The following BANF2 variants were observed in gnomAD, a reference collection of about 807,000 sequenced individuals.
The protein encoded by BANF2 is barrier-to-autointegration factor-like protein.
In BANF2, 4 loss-of-function variants were observed where a neutral mutation model predicts 8.0. The ratio of observed to expected loss-of-function variants is 0.50; its 90% CI spans 0.25 to 1.14. BANF2 has a LOEUF of 1.14. Among genes scored for constraint, BANF2 ranks in the 50% most tolerant of loss-of-function variants. The pLI is 0.16. For missense variants in BANF2, 96 were observed against 107.5 expected (o/e 0.89, Z 0.47); for synonymous variants, 50 against 40.6 (o/e 1.23, Z -0.88).
At chr20:17,707,042 T>C (rs2037490921) in intron 1 of BANF2, among the ~76,000 whole-genome samples, 1 of 151,976 alleles carries the variant, frequency 6.6e-6, no homozygotes, top group Admixed American at 6.6e-5. Flanking sequence ...CACTTTCAGA[T>C]GGGTTTGCAA....
At chr20:17,728,180 C>G (rs886196816) in intron 3 of BANF2, among the ~76,000 whole-genome samples, 8 of 152,224 alleles carry the variant, frequency 5.3e-5, no homozygotes, top group African/African-American at 1.4e-4. Flanking sequence ...GGCTGGGGCT[C>G]AGCCTCAGTT....
Position 17,705,155 on chromosome 20 carries a change from G to A in BANF2, c.-167+5100G>A, listed in dbSNP as rs115580947. On this transcript the variant is annotated intron_variant, in intron 1 of 3. Transcript: ENST00000246090. The stretch of plus-strand genomic sequence containing the variant: ...TCATGTGTGTTGTTACCTCATTGGC[G>A]AGGCCTGGTCATGTGTGTCCCTGGA... Among the ~76,000 whole-genome samples, 1,204 of 148,130 alleles carry A rather than the reference G, an allele frequency of 8.1e-3. 15 individuals carry two copies. Among genetic ancestry groups the A allele is most frequent in the African/African-American group, 0.029 (1,117 of 38,442 alleles).
chr20:17,728,741 A>T (rs1165985817), intron 3 of BANF2, among the ~76,000 whole-genome samples: 5 of 152,180 alleles, frequency 3.3e-5, no homozygotes, highest in Admixed American at 3.3e-4. Context: ...CATATGTGAT[A>T]GCCTTCTTCT....
chr20:17,733,714 T>C (rs2037935716), intron 3 of BANF2, among the ~76,000 whole-genome samples: 1 of 152,220 alleles, frequency 6.6e-6, no homozygotes, highest in African/African-American at 2.4e-5. Flanking sequence ...ATATTGCTTT[T>C]TTTAAAAAAG....
chr20:17,699,042 A>G (rs2037375800), upstream of BANF2, among the ~76,000 whole-genome samples: 2 of 152,248 alleles, frequency 1.3e-5, no homozygotes, highest in African/African-American at 4.8e-5. Context: ...GTTCTCCCCC[A>G]GACCTAATGA....
At chr20:17,732,285 C>T (rs1238959723) in intron 3 of BANF2, among the ~76,000 whole-genome samples, 1 of 152,200 alleles carries the variant, frequency 6.6e-6, no homozygotes, top group Non-Finnish European at 1.5e-5. Context: ...GGTGATTCCT[C>T]CCCTGCTTGG....
chr20:17,698,898 C>T (rs569783414), upstream of BANF2, among the ~76,000 whole-genome samples: 6 of 152,350 alleles, frequency 3.9e-5, no homozygotes, highest in African/African-American at 1.2e-4. Context: ...CCCCTGAATA[C>T]TGCCATCAGC....
rs998208360 is a variant in BANF2, at chr20:17,693,823, C to A, written c.18+117C>A. 5.7e-6 allele frequency: 7 copies of A among 1,225,314 alleles called. No individual in the cohort carries two copies. In the East Asian group the frequency reaches 7.7e-5, roughly 13 times the overall value. The allele number at this position is 1,225,314 out of a possible 1,614,324, so 75.9% of individuals were successfully genotyped here. A position where few individuals can be genotyped will look rare whatever the true frequency, so the allele number is the denominator to read the frequency against. On this transcript the variant is annotated intron_variant, in intron 1 of 2. Transcript: ENST00000545418. ...TGTCCAGTGGGAGGAGGTGCTTTCCCGAATTCTGAATTCTTTTCGGAACGT... is the reference window on the plus strand; with the variant it reads ...TGTCCAGTGGGAGGAGGTGCTTTCCAGAATTCTGAATTCTTTTCGGAACGT...
intron 3 of BANF2, among the ~76,000 whole-genome samples, chr20:17,727,218 C>G (rs926267696): frequency 2.0e-5 from 3 of 152,266 alleles, no homozygotes; most frequent in African/African-American, 7.2e-5. Context: ...GAGATGTGCT[C>G]CTCTTGTGTC....
At chr20:17,695,775 T>C (rs542409489), upstream of BANF2, among the ~76,000 whole-genome samples, 1 of 152,348 alleles carries the variant, frequency 6.6e-6, no homozygotes, top group South Asian at 2.1e-4. Context: ...ATCGCCATGA[T>C]AGAGATCTGG....
At chr20:17,697,549 C>T (rs376422820), upstream of BANF2, among the ~76,000 whole-genome samples, 2 of 152,340 alleles carry the variant, frequency 1.3e-5, no homozygotes, top group South Asian at 2.1e-4. Context: ...TTACAAAGAA[C>T]AGACATCATT....
chr20:17,698,065 G>A (rs1488735904), upstream of BANF2, among the ~76,000 whole-genome samples: 1 of 152,066 alleles, frequency 6.6e-6, no homozygotes, highest in Non-Finnish European at 1.5e-5. Context: ...AAATTAGCTG[G>A]GAGTGGTGGT....
upstream of BANF2, among the ~76,000 whole-genome samples, chr20:17,696,588 A>G (rs932852649): frequency 2.6e-5 from 4 of 152,090 alleles, no homozygotes; most frequent in Non-Finnish European, 4.4e-5. Flanking sequence ...AAGTGTTTTT[A>G]TAGTTGTAAT....
chr20:17,709,681 G>GT, intron 1 of BANF2, among the ~76,000 whole-genome samples: 1 of 152,334 alleles, frequency 6.6e-6, no homozygotes, highest in East Asian at 1.9e-4. Context: ...TATCTCAGTG[G>GT]TTGAGAACAC....
intron 3 of BANF2, among the ~76,000 whole-genome samples, chr20:17,726,828 G>T (rs915012036): frequency 6.6e-6 from 1 of 152,136 alleles, no homozygotes; most frequent in Admixed American, 6.6e-5. Flanking sequence ...TTTTATTAAG[G>T]TATAATTGAC....
chr20:17,729,302 A>C (rs2122646348), intron 3 of BANF2, among the ~76,000 whole-genome samples: 1 of 152,218 alleles, frequency 6.6e-6, no homozygotes, highest in East Asian at 1.9e-4. Flanking sequence ...CCTCTCTTGA[A>C]ATGGGTTTTG....
At chr20:17,700,186 A>G in intron 1 of BANF2, 131 bp downstream of exon 1, 2 of 201,702 alleles carry the variant, frequency 9.9e-6, no homozygotes, top group Non-Finnish European at 1.8e-5. Flanking sequence ...TTCACCAGGT[A>G]AGCCCCAAAC....
In BANF2 at chr20:17,722,191, C is replaced by T. The variant is rs201164110; in HGVS notation, c.-166-525C>T. On this transcript the variant is annotated intron_variant, in intron 1 of 3. Transcript: ENST00000246090. ...GGGCAAAAGTCACTGCCTATGTCCACACCCCAGAGATGTTGCAAGGATCAA... is the reference window on the plus strand; with the variant it reads ...GGGCAAAAGTCACTGCCTATGTCCATACCCCAGAGATGTTGCAAGGATCAA... Among the ~76,000 whole-genome samples, 6 of 152,368 alleles carry T rather than the reference C, an allele frequency of 3.9e-5. No homozygotes were observed. The East Asian group carries it at 9.6e-4, about 24-fold the overall frequency.
intron 1 of BANF2, among the ~76,000 whole-genome samples, chr20:17,714,577 C>T (rs1404334149): frequency 6.6e-6 from 1 of 152,170 alleles, no homozygotes; most frequent in Non-Finnish European, 1.5e-5. Flanking sequence ...CTTCATGGAT[C>T]GTTGCAGTTT....
Sources: allele counts gnomAD v4.1 joint callset (sites outside exome capture counted in the v4.1 genomes callset), GRCh38; gene constraint gnomAD v4.1.1; transcripts MANE v1.5; gene names NCBI Gene and HGNC (gene_info 2026-07-23, HGNC 2026-07-21).